SLC38A8: variants seen among roughly 807,000 people sequenced by gnomAD.
SLC38A8 encodes amino acid transporter SLC38A8.
In SLC38A8, 65 loss-of-function variants were observed where a neutral mutation model predicts 46.0. The observed-to-expected ratio is 1.41, with a 90% CI of 1.16 to 1.74. The LOEUF (loss-of-function observed/expected upper bound fraction) is 1.74, where lower values mean the gene tolerates loss of function less well. Among genes scored for constraint, SLC38A8 ranks in the 40% most tolerant of loss-of-function variants. SLC38A8 has a pLI of 0.00. For synonymous variants in SLC38A8, 447 were observed against 243.7 expected (o/e 1.83, Z -7.77); for missense variants, 998 against 567.9 (o/e 1.76, Z -7.70).
In SLC38A8 at chr16:84,016,829, G is replaced by T. The variant is rs950093809; in HGVS notation, c.954-102C>A. Reference sequence around the variant, plus strand: ...TCCAGGAGTCCCCTCACACCTGTCAGTGCTCCTGTTCCACACTCAGGTGTT... The same window carrying T: ...TCCAGGAGTCCCCTCACACCTGTCATTGCTCCTGTTCCACACTCAGGTGTT... On this transcript the variant is annotated intron_variant, in intron 8 of 10. Coordinates refer to ENST00000299709, the MANE Select transcript of SLC38A8 (RefSeq NM_001080442.3). 3 of 1,283,592 alleles carry T rather than the reference G, an allele frequency of 2.3e-6. No individual in the cohort carries two copies. In the East Asian group the frequency reaches 7.6e-5, roughly 32 times the overall value. The allele number at this position is 1,283,592 out of a possible 1,614,324, so 79.5% of individuals were successfully genotyped here. A position where few individuals can be genotyped will look rare whatever the true frequency, so the allele number is the denominator to read the frequency against.
intron 7 of SLC38A8, among the ~76,000 whole-genome samples, chr16:84,022,067 C>T (rs148843510): frequency 0.023 from 3,546 of 152,318 alleles, 57 homozygotes; most frequent in Non-Finnish European, 0.037. Context: ...GAAGGCCCCA[C>T]GTCTCAATGC....
chr16:84,027,104 C>A (rs2085173172), intron 6 of SLC38A8, among the ~76,000 whole-genome samples: 2 of 152,196 alleles, frequency 1.3e-5, no homozygotes, highest in South Asian at 2.1e-4. Context: ...GTAATCCCAG[C>A]ACTTTGGGAG....
At chr16:84,020,743 G>A (rs569546549) in intron 7 of SLC38A8, among the ~76,000 whole-genome samples, 19 of 152,310 alleles carry the variant, frequency 1.2e-4, no homozygotes, top group Admixed American at 2.6e-4. Flanking sequence ...TGTGATGGGA[G>A]GGGCAGCCTC....
At position 84,037,279 on chromosome 16, in the gene SLC38A8, G is replaced by A. The variant is rs1876959; in HGVS notation, c.190-379C>T. Among the ~76,000 whole-genome samples, 154 of 152,206 alleles carry A rather than the reference G, an allele frequency of 1.0e-3. 1 individual carries two copies. Among genetic ancestry groups the A allele is most frequent in the African/African-American group, 3.4e-3 (141 of 41,524 alleles). ...GCGTGGTGGCTTGGAACCCGAGGTGGAGCGGGCACAGCCGGGCTCAGGTTC... is the reference window on the plus strand; with the variant it reads ...GCGTGGTGGCTTGGAACCCGAGGTGAAGCGGGCACAGCCGGGCTCAGGTTC... On this transcript the variant is annotated intron_variant, in intron 2 of 10. Transcript: ENST00000299709.
chr16:84,030,163 C>T (rs1237977213), intron 5 of SLC38A8, among the ~76,000 whole-genome samples: 1 of 152,046 alleles, frequency 6.6e-6, no homozygotes, highest in Non-Finnish European at 1.5e-5. Context: ...GGATGAAGGC[C>T]AAGACCCAGT....
At chr16:84,034,319 G>A (rs571681536) in intron 3 of SLC38A8, among the ~76,000 whole-genome samples, 121 of 152,350 alleles carry the variant, frequency 7.9e-4, no homozygotes, top group Non-Finnish European at 1.2e-3. Context: ...CAAAGGCAAG[G>A]GACACAAGCT....
chr16:84,011,488 G>C (rs2084952654), intron 10 of SLC38A8, among the ~76,000 whole-genome samples: 1 of 152,212 alleles, frequency 6.6e-6, no homozygotes, highest in Admixed American at 6.5e-5. Flanking sequence ...AATGGGGCTA[G>C]AGGGCCGGGG....
At chr16:84,026,609 C>T (rs1045498769) in intron 6 of SLC38A8, among the ~76,000 whole-genome samples, 2 of 152,076 alleles carry the variant, frequency 1.3e-5, no homozygotes, top group Non-Finnish European at 2.9e-5. Flanking sequence ...GGCAGTTGCT[C>T]GGTGATGGAA....
At chr16:84,016,145 C>A (rs1380266877) in intron 9 of SLC38A8, among the ~76,000 whole-genome samples, 3 of 152,198 alleles carry the variant, frequency 2.0e-5, no homozygotes, top group Admixed American at 1.3e-4. Flanking sequence ...GGGACCCCCA[C>A]TTATAAAACC....
intron 6 of SLC38A8, among the ~76,000 whole-genome samples, chr16:84,024,980 G>C (rs1483118423): frequency 1.3e-5 from 2 of 152,128 alleles, no homozygotes; most frequent in Non-Finnish European, 2.9e-5. Context: ...CAAGCCCAGT[G>C]CAAGAATTTT....
intron 10 of SLC38A8, among the ~76,000 whole-genome samples, chr16:84,012,572 C>G (rs2084967182): frequency 1.3e-5 from 2 of 152,170 alleles, no homozygotes; most frequent in Non-Finnish European, 1.5e-5. Context: ...GTAAAAGGAC[C>G]TAGCTCAGTG....
At chr16:84,032,337 C>T (rs4782877) in intron 4 of SLC38A8, among the ~76,000 whole-genome samples, 7,338 of 152,174 alleles carry the variant, frequency 0.048, 280 homozygotes, top group Non-Finnish European at 0.075. Context: ...TACAGGTGTC[C>T]GCCCCCACGC....
intron 10 of SLC38A8, 79 bp downstream of exon 10, chr16:84,012,922 G>C: frequency 6.8e-7 from 1 of 1,465,120 alleles, no homozygotes; most frequent in South Asian, 1.2e-5. Flanking sequence ...TGAGAAATAG[G>C]ATCTGCAGGG....
chr16:84,036,601 G>C, intron 3 of SLC38A8, 101 bp downstream of exon 3: 2 of 1,366,090 alleles, frequency 1.5e-6, no homozygotes, highest in South Asian at 1.3e-5. Context: ...CTGTCCCTCA[G>C]GGCCCAGGCC....
In SLC38A8 at chr16:84,034,505, G is replaced by A. The variant is rs914771992; in HGVS notation, c.389-1036C>T. 2.0e-5 allele frequency among the ~76,000 whole-genome samples: 3 copies of A among 152,242 alleles called. 1 individual carries two copies. The highest frequency in any genetic ancestry group is 4.4e-5 in the Non-Finnish European group (3 of 68,050). On this transcript the variant is annotated intron_variant, in intron 3 of 10. Coordinates refer to ENST00000299709, the MANE Select transcript of SLC38A8 (RefSeq NM_001080442.3). ...GCCACTGGGAACCACCTGGGTGGGT[G>A]AGGTGGCCCCTGCAACCACTGGAGA...
intron 6 of SLC38A8, among the ~76,000 whole-genome samples, chr16:84,023,903 A>G (rs1309033339): frequency 2.6e-5 from 4 of 152,158 alleles, no homozygotes; most frequent in Non-Finnish European, 2.9e-5. Context: ...CAAAAGAAAA[A>G]CAAGCCGGGC....
chr16:84,017,523 A>G (rs2085045036), intron 7 of SLC38A8, among the ~76,000 whole-genome samples: 1 of 152,210 alleles, frequency 6.6e-6, no homozygotes, highest in Non-Finnish European at 1.5e-5. Context: ...CAAATCGCTC[A>G]CAGAGCTGGT....
rs1409564314 is a variant in SLC38A8 at position 84,031,819 on chromosome 16, G to GC, written c.632+47dup. 2.6e-6 allele frequency: 4 copies of GC among 1,521,080 alleles called. No individual in the cohort carries two copies. The African/African-American group carries it at 5.5e-5, about 21-fold the overall frequency. 94.2% of individuals were successfully genotyped at this position (1,521,080 alleles called of 1,614,324 possible). Reference sequence around the variant, plus strand: ...CAAGACTCCCCTCACAGACTCCCCTGCCGTGCCTCCCCGCCGAGGCTGCCG... The same window carrying GC: ...CAAGACTCCCCTCACAGACTCCCCTGCCCGTGCCTCCCCGCCGAGGCTGCCG... On this transcript the variant is annotated intron_variant, in intron 5 of 10. Coordinates refer to ENST00000299709, the MANE Select transcript of SLC38A8 (RefSeq NM_001080442.3).
At chr16:84,024,102 C>T (rs957958613) in intron 6 of SLC38A8, among the ~76,000 whole-genome samples, 3 of 152,204 alleles carry the variant, frequency 2.0e-5, no homozygotes, top group Admixed American at 2.0e-4. Context: ...CAGTAACAGC[C>T]CCCCTCCCCC....
Sources: allele counts gnomAD v4.1 joint callset (sites outside exome capture counted in the v4.1 genomes callset), GRCh38; gene constraint gnomAD v4.1.1; transcripts MANE v1.5; gene names NCBI Gene and HGNC (gene_info 2026-07-23, HGNC 2026-07-21).